Variants in FCGR2B observed in about 807,000 individuals in gnomAD.
The protein encoded by FCGR2B is Fc gamma receptor IIb.
FCGR2B carries 18 observed loss-of-function variants against 24.8 expected under a neutral mutation model. The observed-to-expected ratio is 0.73, with a 90% CI of 0.50 to 1.08. FCGR2B has a LOEUF of 1.08. Ranked by LOEUF, FCGR2B falls within the 50% of genes least tolerant of loss-of-function variation. FCGR2B has a pLI of 0.00. For missense variants in FCGR2B, 215 were observed against 297.6 expected (o/e 0.72, Z 2.04); for synonymous variants, 79 against 109.8 (o/e 0.72, Z 1.75).
At chr1:161,649,462 C>T in the FCGR2B span, among the ~76,000 whole-genome samples, 1 of 151,018 alleles carries the variant, frequency 6.6e-6, no homozygotes. Flanking sequence ...CTGTCATCTT[C>T]ATTGTGATGG....
rs189215123 is a variant in FCGR2B, at chr1:161,675,501, C to T, written c.817+188C>T. Reference sequence around the variant, plus strand: ...ACTCCTGGGCCTAAAGACGACCTCTCTGGAGATGAGAAGAGAAACACCAGT... The same window carrying T: ...ACTCCTGGGCCTAAAGACGACCTCTTTGGAGATGAGAAGAGAAACACCAGT... On this transcript the variant is annotated intron_variant, in intron 6 of 7. Transcript: ENST00000358671. The T allele has an allele frequency of 6.5e-4, 313 of 478,342 alleles. 2 individuals carry two copies. The highest frequency in any genetic ancestry group is 5.2e-3 in the African/African-American group (254 of 49,168). The allele number at this position is 478,342 out of a possible 1,614,324, so 29.6% of individuals were successfully genotyped here. A position where few individuals can be genotyped will look rare whatever the true frequency, so the allele number is the denominator to read the frequency against.
chr1:161,675,865 C>T (rs565586332), intron 6 of FCGR2B: 7 of 233,620 alleles, frequency 3.0e-5, no homozygotes, highest in Admixed American at 2.8e-4. Context: ...GTGGGCTCTA[C>T]TCTGTGGGCA....
chr1:161,676,087 G>A (rs13376485), intron 6 of FCGR2B: 35,854 of 230,780 alleles, frequency 0.16, 3,445 homozygotes, highest in African/African-American at 0.27. Context: ...GCCCAGGTGG[G>A]AGTGTGTAAA....
At chr1:161,649,364 GT>G in the FCGR2B span, among the ~76,000 whole-genome samples, 3 of 150,860 alleles carry the variant, frequency 2.0e-5, no homozygotes, top group Admixed American at 6.6e-5. Flanking sequence ...TAAAAGAAAA[GT>G]TTTGCAGAAG....
At chr1:161,672,752 A>C (rs896680146) in intron 3 of FCGR2B, 1 of 716,436 alleles carries the variant, frequency 1.4e-6, no homozygotes. Flanking sequence ...GATACATGAC[A>C]CTATCATGCT....
Position 161,675,262 on chromosome 1 carries a change from C to T in FCGR2B, c.766C>T (p.Pro256Ser), listed in dbSNP as rs28651835. 10,736 of 1,599,402 alleles carry T rather than the reference C, an allele frequency of 6.7e-3. 229 individuals carry two copies. In the African/African-American group the frequency reaches 0.071, roughly 11 times the overall value. The change falls in exon 6 of 8, where the codon CCA becomes TCA. Residue 256 changes from proline (P) to serine (S), a missense_variant. Around this residue, in one of 5 missense-constraint regions of FCGR2B, gnomAD observed 81 missense variants for 81.6 expected, o/e 0.99. Coordinates refer to ENST00000358671, the MANE Select transcript of FCGR2B (RefSeq NM_001394477.1). The stretch of plus-strand genomic sequence containing the variant: ...CTCCTGTGTGCCCCTCCCAGCTCTC[C>T]CAGGATACCCTGAGTGCAGGGAAAT... ...YCRKKRISAL[P>S]GYPECREMGE... is the part of the protein sequence containing the mutation.
At chr1:161,649,432 C>G in the FCGR2B span, among the ~76,000 whole-genome samples, 2 of 150,960 alleles carry the variant, frequency 1.3e-5, no homozygotes, top group Non-Finnish European at 2.9e-5. Context: ...CATTTCTCAC[C>G]ATGATACAAC....
At chr1:161,676,348 G>A (rs1211163870) in intron 6 of FCGR2B, 1 of 192,130 alleles carries the variant, frequency 5.2e-6, no homozygotes, top group Non-Finnish European at 1.1e-5. Context: ...AGGCCCAGTG[G>A]TGATAGGGGC....
chr1:161,661,255 AAAGAAAGGAAGG>A (rs1557895290), upstream of FCGR2B, among the ~76,000 whole-genome samples: 12 of 36,152 alleles, frequency 3.3e-4, no homozygotes, highest in South Asian at 1.7e-3. Flanking sequence ...AGAAAGAAAG[AAAGAAAGGAAGG>A]AAGCAAGAAA....
At chr1:161,652,756 G>C in the FCGR2B span, among the ~76,000 whole-genome samples, 3 of 134,742 alleles carry the variant, frequency 2.2e-5, 1 homozygote, top group Admixed American at 2.5e-4. Flanking sequence ...TTGGAAATGA[G>C]CACCCCTCTT....
At chr1:161,648,961 G>A in the FCGR2B span, among the ~76,000 whole-genome samples, 1 of 150,774 alleles carries the variant, frequency 6.6e-6, no homozygotes, top group Non-Finnish European at 1.5e-5. Flanking sequence ...AATATATTTT[G>A]TATTATTTGA....
the FCGR2B span, among the ~76,000 whole-genome samples, chr1:161,652,045 AGTGTGT>A: frequency 0.13 from 13,829 of 104,302 alleles, 1,526 homozygotes; most frequent in East Asian, 0.18. Flanking sequence ...TATGTTTAGG[AGTGTGT>A]GTGTGTGTGT....
At chr1:161,673,304 T>C in intron 4 of FCGR2B, 75 bp downstream of exon 4, 1 of 1,602,284 alleles carries the variant, frequency 6.2e-7, no homozygotes, top group Admixed American at 1.7e-5. Flanking sequence ...TGGGCCTACA[T>C]GGAGGTCTGA....
chr1:161,677,816 C>A lies in FCGR2B; in HGVS notation c.*263C>A. ...TCCGTTCCACATCCACACAGCCAAT[C>A]CAATTAATCAAACCACTGTTATTAA... On this transcript the variant is annotated 3_prime_UTR_variant, in exon 8 of 8. Transcript: ENST00000358671. The A allele has an allele frequency of 2.2e-6, 1 of 461,802 alleles. No homozygotes were observed. The highest frequency in any genetic ancestry group is 3.6e-5 in the East Asian group (1 of 27,578). 28.6% of individuals were successfully genotyped at this position (461,802 alleles called of 1,614,324 possible). A position where few individuals can be genotyped will look rare whatever the true frequency, so the allele number is the denominator to read the frequency against.
the FCGR2B span, among the ~76,000 whole-genome samples, chr1:161,649,288 A>G: frequency 6.6e-6 from 1 of 150,970 alleles, no homozygotes; most frequent in Non-Finnish European, 1.5e-5. Context: ...ATGCTATCAA[A>G]ATCACTGCCA....
At chr1:161,647,826 C>T in the FCGR2B span, among the ~76,000 whole-genome samples, 1 of 151,050 alleles carries the variant, frequency 6.6e-6, no homozygotes, top group African/African-American at 2.4e-5. Context: ...ACAACATTCT[C>T]CTCAGGTCAA....
chr1:161,652,745 A>G, the FCGR2B span, among the ~76,000 whole-genome samples: 1 of 134,696 alleles, frequency 7.4e-6, no homozygotes, highest in African/African-American at 2.6e-5. Flanking sequence ...TGCATTTATG[A>G]TTGGAAATGA....
chr1:161,677,041 T>C (rs1682207559), intron 6 of FCGR2B: 21 of 452,284 alleles, frequency 4.6e-5, no homozygotes, highest in South Asian at 1.2e-4. Context: ...ATCCCAAGCC[T>C]CCCTGGTTTG....
the FCGR2B span, among the ~76,000 whole-genome samples, chr1:161,651,986 G>A: frequency 9.5e-6 from 1 of 105,346 alleles, no homozygotes; most frequent in South Asian, 3.2e-4. Context: ...AAAGATCTAT[G>A]GGCATTTTAA....
Sources: gnomAD v4.1 joint callset for allele counts (sites outside exome capture counted in the v4.1 genomes callset) on GRCh38, gnomAD v4.1.1 for gene constraint, gnomAD v4.1.1 regional missense constraint, MANE v1.5 for transcripts, NCBI Gene and HGNC (gene_info 2026-07-23, HGNC 2026-07-21) for gene names.